Variants in CDH23 observed in about 807,000 individuals in gnomAD.
The protein encoded by CDH23 is cadherin-23.
CDH23 carries 189 observed loss-of-function variants against 317.1 expected under a neutral mutation model. That is an observed-to-expected ratio of 0.60 (90% CI 0.53 to 0.67). The LOEUF (loss-of-function observed/expected upper bound fraction) is 0.67. Among genes scored for constraint, CDH23 ranks in the 30% least tolerant of loss-of-function variants. The pLI, the probability that CDH23 is intolerant of heterozygous loss-of-function variation, is 0.00. For synonymous variants in CDH23, 1,839 were observed against 1,876.8 expected (o/e 0.98, Z 0.52); for missense variants, 4,401 against 4,592.4 (o/e 0.96, Z 1.20).
At chr10:71,537,274 G>A (rs764322605) in intron 6 of CDH23, among the ~76,000 whole-genome samples, 20 of 152,106 alleles carry the variant, frequency 1.3e-4, no homozygotes, top group Admixed American at 5.2e-4. Flanking sequence ...GTTATGTTTC[G>A]GAGCCAAATC....
intron 24 of CDH23, among the ~76,000 whole-genome samples, chr10:71,703,764 G>A (rs1305741223): frequency 6.6e-6 from 1 of 152,186 alleles, no homozygotes; most frequent in Non-Finnish European, 1.5e-5. Context: ...AGCAGGGAGC[G>A]CCTCAATCCA....
chr10:71,668,936 A>G (rs1864026861), intron 14 of CDH23, among the ~76,000 whole-genome samples: 1 of 152,224 alleles, frequency 6.6e-6, no homozygotes, highest in African/African-American at 2.4e-5. Flanking sequence ...TGCAGATGCG[A>G]TTATAAAGGC....
intron 8 of CDH23, among the ~76,000 whole-genome samples, chr10:71,573,696 C>T (rs1857970398): frequency 6.6e-6 from 1 of 152,254 alleles, no homozygotes. Context: ...GCCCAGGGAG[C>T]TGCTAGACCC....
At position 71,702,162 on chromosome 10, in the gene CDH23, C is replaced by G; in HGVS notation, c.2538C>G (p.Asp846Glu). ...THAMLDRENP[D>E]PHEAELMRKI... ...CCATGCTGGACCGGGAGAACCCCGACCCCCATGAGGCCGAGCTGATGCGCA... is the reference window on the plus strand; with the variant it reads ...CCATGCTGGACCGGGAGAACCCCGAGCCCCATGAGGCCGAGCTGATGCGCA... The change falls in exon 23 of 70, where the codon GAC becomes GAG. Residue 846 changes from aspartate (D) to glutamate (E), a missense_variant. Coordinates refer to ENST00000224721, the MANE Select transcript of CDH23 (RefSeq NM_022124.6). 1 of 1,613,918 alleles carries G rather than the reference C, an allele frequency of 6.2e-7. No homozygotes were observed. Among genetic ancestry groups the G allele is most frequent in the Non-Finnish European group, 8.5e-7 (1 of 1,179,874 alleles).
chr10:71,633,785 G>A (rs918574498), intron 11 of CDH23, among the ~76,000 whole-genome samples: 4 of 152,136 alleles, frequency 2.6e-5, no homozygotes, highest in East Asian at 1.9e-4. Flanking sequence ...CAGTTTGCAC[G>A]AGGTCACAAA....
intron 30 of CDH23, among the ~76,000 whole-genome samples, chr10:71,726,766 CT>C (rs1866830585): frequency 6.6e-6 from 1 of 152,252 alleles, no homozygotes; most frequent in African/African-American, 2.4e-5. Flanking sequence ...GTCAGCGAAG[CT>C]GGGGTTGGGT....
chr10:71,780,268 C>T (rs1004290362), intron 41 of CDH23, among the ~76,000 whole-genome samples: 2 of 152,158 alleles, frequency 1.3e-5, no homozygotes, highest in Non-Finnish European at 2.9e-5. Context: ...CCCCGTAGAA[C>T]GTACGTTCCA....
intron 28 of CDH23, among the ~76,000 whole-genome samples, chr10:71,723,406 T>TCC (rs200445963): frequency 1.3e-5 from 2 of 150,794 alleles, no homozygotes; most frequent in African/African-American, 2.4e-5. Flanking sequence ...GACAACAACG[T>TCC]CCCCCCCCAC....
chr10:71,694,670 C>A (rs1589342830), intron 21 of CDH23, among the ~76,000 whole-genome samples: 1 of 152,220 alleles, frequency 6.6e-6, no homozygotes, highest in South Asian at 2.1e-4. Flanking sequence ...TGTTCTCCCC[C>A]ATCTAATGTG....
chr10:71,722,320 T>A (rs113134909), intron 28 of CDH23, among the ~76,000 whole-genome samples: 1 of 152,158 alleles, frequency 6.6e-6, no homozygotes, highest in Admixed American at 6.5e-5. Flanking sequence ...AAGTGTACTG[T>A]AGCAATACTG....
At chr10:71,481,320 G>T (rs1383256554) in intron 3 of CDH23, among the ~76,000 whole-genome samples, 1 of 152,320 alleles carries the variant, frequency 6.6e-6, no homozygotes, top group East Asian at 1.9e-4. Context: ...AGGGGTGAAG[G>T]CATTAACTGG....
intron 9 of CDH23, among the ~76,000 whole-genome samples, chr10:71,599,996 T>G (rs1290630667): frequency 4.2e-5 from 6 of 143,766 alleles, no homozygotes; most frequent in African/African-American, 1.6e-4. Context: ...TTTCCTTTTT[T>G]TTTTTTTTTT....
At chr10:71,749,606 C>T (rs941907524) in intron 38 of CDH23, 1 of 152,338 alleles carries the variant, frequency 6.6e-6, no homozygotes, top group Non-Finnish European at 1.5e-5. Flanking sequence ...GGTGTCAGCC[C>T]CATCTCCGGG....
intron 9 of CDH23, among the ~76,000 whole-genome samples, chr10:71,587,242 C>T (rs1322597214): frequency 6.6e-6 from 1 of 152,228 alleles, no homozygotes; most frequent in Non-Finnish European, 1.5e-5. Flanking sequence ...CTATTGTTTG[C>T]TATTCTGCCT....
rs1422307027 is a variant in CDH23, at chr10:71,646,613, T to A, written c.1445T>A (p.Val482Asp). 1 of 1,613,968 alleles carries A rather than the reference T, an allele frequency of 6.2e-7. No homozygotes were observed. Residue 482 changes from valine to aspartate, a missense_variant, in exon 14 of 70, where the codon GTC becomes GAC. Coordinates refer to ENST00000224721, the MANE Select transcript of CDH23 (RefSeq NM_022124.6). Reference sequence around the variant, plus strand: ...ACCGTGGGGACCTCTGTGCTGACAGTCCTGGTGAGTCCCCGCTTCACTGCA... The same window carrying A: ...ACCGTGGGGACCTCTGTGCTGACAGACCTGGTGAGTCCCCGCTTCACTGCA... The part of the protein sequence containing the change: ...NVTVGTSVLT[V>D]LATDNDAGTF...
In CDH23 at chr10:71,674,185, A is replaced by G. The variant is rs370560763; in HGVS notation, c.1450-927A>G. 2.0e-4 allele frequency among the ~76,000 whole-genome samples: 30 copies of G among 152,296 alleles called. 2 individuals are homozygous for G. In the South Asian group the frequency reaches 5.0e-3, roughly 25 times the overall value. ...CTTTTTTTCATTTCATTCATTTGGG[A>G]TAGAAATATATTTTTCACTTATCTG... On this transcript the variant is annotated intron_variant, in intron 14 of 69. Transcript: ENST00000224721.
chr10:71,760,784 C>A, intron 38 of CDH23: 3 of 1,344,892 alleles, frequency 2.2e-6, no homozygotes, highest in Non-Finnish European at 2.1e-6. Flanking sequence ...GGTGATGAGG[C>A]CAGAGTTCCA....
chr10:71,650,919 A>G (rs1863137293), intron 14 of CDH23, among the ~76,000 whole-genome samples: 1 of 152,274 alleles, frequency 6.6e-6, no homozygotes, highest in South Asian at 2.1e-4. Flanking sequence ...CAAGAAGTAC[A>G]AGAGTAACCT....
intron 28 of CDH23, chr10:71,716,326 C>G (rs1866236221): frequency 6.7e-7 from 1 of 1,485,788 alleles, no homozygotes; most frequent in Non-Finnish European, 9.0e-7. Context: ...GGCTGGGGCC[C>G]TCTGTGCTCA....
Sources: gnomAD v4.1 joint callset for allele counts (sites outside exome capture counted in the v4.1 genomes callset) on GRCh38, gnomAD v4.1.1 for gene constraint, MANE v1.5 for transcripts, NCBI Gene and HGNC (gene_info 2026-07-23, HGNC 2026-07-21) for gene names.